CACNA2D3: variants seen among roughly 807,000 people sequenced by gnomAD.
CACNA2D3 encodes the protein voltage-dependent calcium channel subunit alpha-2/delta-3.
A neutral mutation model predicts 160.6 loss-of-function variants in CACNA2D3; 60 were observed. The observed-to-expected ratio is 0.37, with a 90% CI of 0.30 to 0.46. The LOEUF (loss-of-function observed/expected upper bound fraction) is 0.46, where lower values mean the gene tolerates loss of function less well. CACNA2D3 is among the 20% of genes least tolerant of loss of function. The probability of loss-of-function intolerance (pLI) is 1.00; values close to 1 mark genes in which losing one functional copy is unlikely to be tolerated. For missense variants in CACNA2D3, 1,205 were observed against 1,365.0 expected (o/e 0.88, Z 1.85); for synonymous variants, 558 against 492.9 (o/e 1.13, Z -1.75).
chr3:54,326,687 A>G (rs1024690817), intron 3 of CACNA2D3, among the ~76,000 whole-genome samples: 1 of 152,222 alleles, frequency 6.6e-6, no homozygotes, highest in Non-Finnish European at 1.5e-5. Flanking sequence ...TGGAGGTTTT[A>G]GGAACTGAAT....
chr3:54,524,448 G>A (rs1167785064), intron 5 of CACNA2D3, among the ~76,000 whole-genome samples: 1 of 151,944 alleles, frequency 6.6e-6, no homozygotes, highest in Non-Finnish European at 1.5e-5. Flanking sequence ...AATGTCCCAC[G>A]TGCACGTGAG....
chr3:54,425,891 C>T (rs149151724), intron 4 of CACNA2D3, among the ~76,000 whole-genome samples: 7 of 152,286 alleles, frequency 4.6e-5, no homozygotes, highest in Admixed American at 6.5e-5. Flanking sequence ...CTTCCACAGA[C>T]GTAGAGGGGA....
chr3:54,272,243 C>T (rs1228773001), intron 2 of CACNA2D3, among the ~76,000 whole-genome samples: 1 of 152,198 alleles, frequency 6.6e-6, no homozygotes, highest in East Asian at 1.9e-4. Flanking sequence ...TGAGTCACTT[C>T]TTTGTTTTCT....
At chr3:54,701,307 T>C (rs1222193601) in intron 11 of CACNA2D3, among the ~76,000 whole-genome samples, 1 of 152,182 alleles carries the variant, frequency 6.6e-6, no homozygotes, top group Non-Finnish European at 1.5e-5. Context: ...TGAAAACTAG[T>C]GATCTTAATG....
chr3:54,348,940 C>G (rs1402565255), intron 3 of CACNA2D3, among the ~76,000 whole-genome samples: 1 of 152,118 alleles, frequency 6.6e-6, no homozygotes, highest in Non-Finnish European at 1.5e-5. Context: ...GTTGGCCAGG[C>G]TGGTCTTGAA....
intron 4 of CACNA2D3, among the ~76,000 whole-genome samples, chr3:54,431,005 C>T (rs2106772750): frequency 6.6e-6 from 1 of 152,120 alleles, no homozygotes; most frequent in East Asian, 1.9e-4. Context: ...ATACCATATT[C>T]TTAGAATAGA....
chr3:54,382,253 G>T (rs994306627), intron 3 of CACNA2D3, among the ~76,000 whole-genome samples: 2 of 152,082 alleles, frequency 1.3e-5, no homozygotes, highest in African/African-American at 4.8e-5. Flanking sequence ...TTTTCCCCAG[G>T]CTCAGTGGCA....
intron 11 of CACNA2D3, among the ~76,000 whole-genome samples, chr3:54,696,634 G>A (rs1700671706): frequency 1.3e-5 from 2 of 152,120 alleles, no homozygotes; most frequent in South Asian, 2.1e-4. Flanking sequence ...TTCTTCTTGT[G>A]TGTGGTCGGT....
intron 4 of CACNA2D3, among the ~76,000 whole-genome samples, chr3:54,487,192 C>A (rs1701028440): frequency 6.6e-6 from 1 of 151,970 alleles, no homozygotes; most frequent in Non-Finnish European, 1.5e-5. Context: ...CATAGTGAGA[C>A]CCCATCTTTA....
chr3:54,937,804 G>A (rs1050154695), intron 27 of CACNA2D3, among the ~76,000 whole-genome samples: 6 of 152,086 alleles, frequency 3.9e-5, no homozygotes, highest in African/African-American at 1.4e-4. Flanking sequence ...AGCATCTTAG[G>A]GACTAGCAGA....
At position 54,846,415 on chromosome 3, in the gene CACNA2D3, T is replaced by A. The variant is rs1193764497; in HGVS notation, c.1574T>A (p.Phe525Tyr). Reference protein sequence around the residue: ...KYKLGIHGYAFAITNNGYILT... With the variant: ...KYKLGIHGYAYAITNNGYILT... ...CAGTTAGGGATTCACGGTTATGCCT[T>A]TGCAATCACAAATAATGGATATATC... Residue 525 changes from phenylalanine to tyrosine, a missense_variant, in exon 17 of 38, where the codon TTT becomes TAT. Around this residue, in one of 3 missense-constraint regions of CACNA2D3, gnomAD observed 911 missense variants for 1,002.2 expected, o/e 0.91. Transcript: ENST00000474759. The A allele has an allele frequency of 1.2e-6, 2 of 1,607,238 alleles. No individual in the cohort carries two copies. Among genetic ancestry groups the A allele is most frequent in the Non-Finnish European group, 1.7e-6 (2 of 1,176,462 alleles).
chr3:54,714,069 G>A (rs1463664843), intron 11 of CACNA2D3, among the ~76,000 whole-genome samples: 1 of 152,012 alleles, frequency 6.6e-6, no homozygotes, highest in East Asian at 1.9e-4. Context: ...TTTCTTGGTT[G>A]GAAAGAAATA....
At chr3:55,062,595 G>A (rs1704541379) in intron 35 of CACNA2D3, among the ~76,000 whole-genome samples, 3 of 152,154 alleles carry the variant, frequency 2.0e-5, no homozygotes, top group Admixed American at 2.0e-4. Flanking sequence ...ACAGTAGCTG[G>A]CCTACTCACT....
At chr3:55,049,607 T>C (rs1014066001) in intron 35 of CACNA2D3, among the ~76,000 whole-genome samples, 6 of 149,068 alleles carry the variant, frequency 4.0e-5, no homozygotes, top group African/African-American at 1.5e-4. Context: ...GTTCTGTAGA[T>C]GTCTACTAGG....
At chr3:54,165,513 A>G (rs893856351) in intron 2 of CACNA2D3, among the ~76,000 whole-genome samples, 3 of 151,870 alleles carry the variant, frequency 2.0e-5, no homozygotes, top group African/African-American at 7.3e-5. Flanking sequence ...ATATTGAGGA[A>G]GGAAGGGGTT....
chr3:54,932,589 A>G lies in CACNA2D3; in HGVS notation c.2449+32721A>G, dbSNP rs565964866. On this transcript the variant is annotated intron_variant, in intron 27 of 37. Coordinates refer to ENST00000474759, the MANE Select transcript of CACNA2D3 (RefSeq NM_018398.3). ...GACTGGCTGAGTTATCTGTGTAAAT[A>G]TAGCATGCCTAGAGTTTGCCTCCTC... Among the ~76,000 whole-genome samples, 3 of 152,352 alleles carry G rather than the reference A, an allele frequency of 2.0e-5. No homozygotes were observed. The East Asian group carries it at 5.8e-4, about 29-fold the overall frequency.
chr3:54,596,823 G>A (rs549861145), intron 9 of CACNA2D3, among the ~76,000 whole-genome samples: 9 of 151,790 alleles, frequency 5.9e-5, no homozygotes, highest in Admixed American at 1.3e-4. Flanking sequence ...CTCCTTCTTC[G>A]CCTGGTTAAC....
chr3:54,348,846 G>T (rs1698502068), intron 3 of CACNA2D3, among the ~76,000 whole-genome samples: 2 of 152,134 alleles, frequency 1.3e-5, no homozygotes, highest in Non-Finnish European at 2.9e-5. Flanking sequence ...TTCTGCCTCT[G>T]TCTCCCCAGT....
At chr3:54,865,952 C>A (rs1252774684) in intron 17 of CACNA2D3, among the ~76,000 whole-genome samples, 1 of 152,198 alleles carries the variant, frequency 6.6e-6, no homozygotes, top group Non-Finnish European at 1.5e-5. Context: ...GACGTGCACA[C>A]CTAGCCCCAG....
Sources: allele counts gnomAD v4.1 joint callset (sites outside exome capture counted in the v4.1 genomes callset), GRCh38; gene constraint gnomAD v4.1.1; regional missense constraint gnomAD v4.1.1; transcripts MANE v1.5; gene names NCBI Gene and HGNC (gene_info 2026-07-23, HGNC 2026-07-21).